Variants in TENM4 observed in about 807,000 individuals in gnomAD.
TENM4 encodes teneurin transmembrane protein 4.
A neutral mutation model predicts 243.3 loss-of-function variants in TENM4; 82 were observed. That is an observed-to-expected ratio of 0.34 (90% CI 0.28 to 0.40). TENM4 has a LOEUF of 0.40. Among genes scored for constraint, TENM4 ranks in the 10% least tolerant of loss-of-function variants. The probability of loss-of-function intolerance (pLI) is 1.00; values close to 1 mark genes in which losing one functional copy is unlikely to be tolerated. For missense variants in TENM4, 3,138 were observed against 3,673.3 expected (o/e 0.85, Z 3.77); for synonymous variants, 1,412 against 1,456.3 (o/e 0.97, Z 0.69).
chr11:79,279,271 G>A (rs1329893642), intron 2 of TENM4, among the ~76,000 whole-genome samples: 1 of 152,146 alleles, frequency 6.6e-6, no homozygotes, highest in Non-Finnish European at 1.5e-5. Context: ...GCCTTAGAGA[G>A]AGTACTCCAG....
intron 9 of TENM4, among the ~76,000 whole-genome samples, chr11:78,875,829 C>T (rs1859257673): frequency 6.6e-6 from 1 of 152,180 alleles, no homozygotes; most frequent in Non-Finnish European, 1.5e-5. Context: ...CAGAATAGCA[C>T]CTGCCTGGCA....
At chr11:79,020,169 G>A (rs1858889747) in intron 6 of TENM4, among the ~76,000 whole-genome samples, 1 of 152,202 alleles carries the variant, frequency 6.6e-6, no homozygotes, top group South Asian at 2.1e-4. Context: ...GATGATGTTA[G>A]TGTGTGTTAC....
intron 6 of TENM4, among the ~76,000 whole-genome samples, chr11:78,979,736 T>A (rs1857749881): frequency 7.2e-6 from 1 of 139,762 alleles, no homozygotes; most frequent in South Asian, 2.3e-4. Context: ...GGTAAACAAA[T>A]GACTGAGGAG....
chr11:78,813,736 T>C (rs1857548044), intron 13 of TENM4, among the ~76,000 whole-genome samples: 3 of 152,106 alleles, frequency 2.0e-5, no homozygotes, highest in South Asian at 4.1e-4. Context: ...CTCCACAATG[T>C]TTATCATGGG....
At chr11:78,696,818 G>A (rs1473462409) in intron 28 of TENM4, among the ~76,000 whole-genome samples, 1 of 152,126 alleles carries the variant, frequency 6.6e-6, no homozygotes, top group Non-Finnish European at 1.5e-5. Flanking sequence ...AACTATGGTG[G>A]TGGCAAAGCC....
intron 22 of TENM4, among the ~76,000 whole-genome samples, chr11:78,728,991 C>CAA (rs5792815): frequency 0.041 from 6,056 of 147,676 alleles, 351 homozygotes; most frequent in African/African-American, 0.13. Flanking sequence ...TACTGCACCT[C>CAA]AAAAAAAAAA....
intron 9 of TENM4, among the ~76,000 whole-genome samples, chr11:78,880,764 T>C (rs891659706): frequency 6.6e-6 from 1 of 152,224 alleles, no homozygotes; most frequent in Non-Finnish European, 1.5e-5. Context: ...CACTGAAATA[T>C]CTGAGTTTGG....
intron 1 of TENM4, among the ~76,000 whole-genome samples, chr11:79,298,123 C>A (rs952074453): frequency 1.3e-5 from 2 of 152,050 alleles, no homozygotes; most frequent in African/African-American, 4.8e-5. Context: ...TCTCCAAGGC[C>A]TTTCCAGGTG....
At chr11:78,850,216 C>T (rs1262213720) in intron 12 of TENM4, among the ~76,000 whole-genome samples, 4 of 152,186 alleles carry the variant, frequency 2.6e-5, no homozygotes, top group African/African-American at 9.7e-5. Flanking sequence ...TTAAAATCAT[C>T]AGCTGGATTG....
chr11:79,378,432 T>C (rs565579366), intron 1 of TENM4, among the ~76,000 whole-genome samples: 1 of 152,204 alleles, frequency 6.6e-6, no homozygotes, highest in Non-Finnish European at 1.5e-5. Context: ...GAAGGAACAT[T>C]GCATGGCTGC....
intron 1 of TENM4, among the ~76,000 whole-genome samples, chr11:79,382,392 C>T (rs772219971): frequency 2.0e-5 from 3 of 152,118 alleles, no homozygotes; most frequent in African/African-American, 7.2e-5. Flanking sequence ...GCTTCGCTTT[C>T]GGTGGAATGA....
chr11:78,986,087 A>C (rs1274826254), intron 6 of TENM4, among the ~76,000 whole-genome samples: 1 of 152,064 alleles, frequency 6.6e-6, no homozygotes, highest in Non-Finnish European at 1.5e-5. Flanking sequence ...CTTTTTTTCT[A>C]CTGGGCTCCT....
Position 78,975,170 on chromosome 11 carries a change from G to C in TENM4, c.494-71647C>G, listed in dbSNP as rs574360373. Among the ~76,000 whole-genome samples the C allele has an allele frequency of 3.3e-5, 5 of 149,352 alleles. No individual in the cohort carries two copies. In the South Asian group the frequency reaches 1.1e-3, roughly 33 times the overall value. On this transcript the variant is annotated intron_variant, in intron 6 of 33. Coordinates refer to ENST00000278550, the MANE Select transcript of TENM4 (RefSeq NM_001098816.3). Reference sequence around the variant, plus strand: ...GAGAAAAGCTGTGAGGGAGGTATTGGGGTATGGGGGTAGGGTGGGTGGGGC... The same window carrying C: ...GAGAAAAGCTGTGAGGGAGGTATTGCGGTATGGGGGTAGGGTGGGTGGGGC...
At position 79,382,158 on chromosome 11, in the gene TENM4, TA is replaced by T. The variant is rs1230316974; in HGVS notation, c.-321+58350del. ...AGTTGCCCAAGGACACACAGCTCAT[TA>T]GGGGGAGGGCCAAGATTCAAATGTA... is the stretch of plus-strand genomic sequence containing the variant. On this transcript the variant is annotated intron_variant, in intron 1 of 33. Transcript: ENST00000278550. Among the ~76,000 whole-genome samples the T allele has an allele frequency of 2.0e-5, 3 of 152,180 alleles. No homozygotes were observed. The South Asian group carries it at 6.2e-4, about 32-fold the overall frequency.
intron 1 of TENM4, among the ~76,000 whole-genome samples, chr11:79,346,941 T>G (rs566850803): frequency 4.6e-5 from 7 of 152,274 alleles, no homozygotes; most frequent in African/African-American, 1.7e-4. Context: ...GGTTCGGGGT[T>G]TCTCTCCTTA....
At chr11:78,772,266 C>T (rs911305873) in intron 17 of TENM4, among the ~76,000 whole-genome samples, 4 of 152,128 alleles carry the variant, frequency 2.6e-5, no homozygotes, top group South Asian at 2.1e-4. Flanking sequence ...CAGAAATCTA[C>T]GTTTGAGAAT....
chr11:79,395,019 C>A (rs569892), intron 1 of TENM4, among the ~76,000 whole-genome samples: 1 of 151,970 alleles, frequency 6.6e-6, no homozygotes, highest in Admixed American at 6.6e-5. Context: ...TTTCAGACTT[C>A]TAGCTTCCAG....
chr11:78,692,839 C>G (rs1858860016), intron 28 of TENM4, among the ~76,000 whole-genome samples: 1 of 152,176 alleles, frequency 6.6e-6, no homozygotes, highest in African/African-American at 2.4e-5. Context: ...GTTGGCATGG[C>G]TTGTTCCTGT....
intron 28 of TENM4, among the ~76,000 whole-genome samples, chr11:78,698,029 A>G (rs531078483): frequency 6.6e-6 from 1 of 152,304 alleles, no homozygotes; most frequent in Admixed American, 6.5e-5. Context: ...AACTCTGTAA[A>G]TCAAGGTGCT....
Sources: allele counts gnomAD v4.1 joint callset (sites outside exome capture counted in the v4.1 genomes callset), GRCh38; gene constraint gnomAD v4.1.1; transcripts MANE v1.5; gene names NCBI Gene and HGNC (gene_info 2026-07-23, HGNC 2026-07-21).